Variants in HNF4G observed in about 807,000 individuals in gnomAD.
The protein encoded by HNF4G is hepatocyte nuclear factor 4 gamma, also known as hepatocyte nuclear factor 4-gamma.
HNF4G carries 21 observed loss-of-function variants against 50.9 expected under a neutral mutation model. That is an observed-to-expected ratio of 0.41 (90% CI 0.29 to 0.59). The LOEUF (loss-of-function observed/expected upper bound fraction) is 0.59, where lower values mean the gene tolerates loss of function less well. HNF4G is among the 20% of genes least tolerant of loss of function. HNF4G has a pLI of 0.26. For synonymous variants in HNF4G, 198 were observed against 185.6 expected (o/e 1.07, Z -0.54); for missense variants, 527 against 559.4 (o/e 0.94, Z 0.58).
chr8:75,442,371 T>A (rs1049139968), intron 1 of HNF4G, among the ~76,000 whole-genome samples: 1 of 152,082 alleles, frequency 6.6e-6, no homozygotes, highest in African/African-American at 2.4e-5. Flanking sequence ...ACTAAAATTA[T>A]AAATAGGCAA....
At chr8:75,429,203 A>G (rs1423838929) in intron 1 of HNF4G, among the ~76,000 whole-genome samples, 1 of 152,206 alleles carries the variant, frequency 6.6e-6, no homozygotes, top group Non-Finnish European at 1.5e-5. Context: ...TGGACACTCC[A>G]ACATGGTCAG....
intron 1 of HNF4G, among the ~76,000 whole-genome samples, chr8:75,482,452 C>T (rs896140299): frequency 6.6e-6 from 1 of 152,072 alleles, no homozygotes; most frequent in South Asian, 2.1e-4. Flanking sequence ...CTGCAACCTC[C>T]GCCTCCCAGG....
At position 75,449,550 on chromosome 8, in the gene HNF4G, A is replaced by C. The variant is rs1366022794; in HGVS notation, c.-143-40539A>C. Among the ~76,000 whole-genome samples the C allele has an allele frequency of 2.3e-5, 3 of 129,112 alleles. No individual in the cohort carries two copies. The Admixed American group carries it at 2.7e-4, about 11-fold the overall frequency. The allele number at this position is 129,112 out of a possible 152,430, so 84.7% of individuals were successfully genotyped here. ...GAGACGGAGTCTCACTCTGTCGCCC[A>C]GGCTGTAGTGCAGTGGGGCGATCTC... On this transcript the variant is annotated intron_variant, in intron 1 of 10. Transcript: ENST00000354370.
chr8:75,501,329 C>T lies in HNF4G; in HGVS notation c.-24+11121C>T, dbSNP rs533822052. Among the ~76,000 whole-genome samples, 32 of 152,080 alleles carry T rather than the reference C, an allele frequency of 2.1e-4. No individual in the cohort carries two copies. In the South Asian group the frequency reaches 6.7e-3, roughly 32 times the overall value. The stretch of plus-strand genomic sequence containing the variant: ...AGGCATGGTATGCACACCTGTAGTC[C>T]CACCTACTTGGGAGGCTGAGGCCAG... On this transcript the variant is annotated intron_variant, in intron 2 of 10. Coordinates refer to the HNF4G transcript ENST00000354370.
At chr8:75,464,455 C>G (rs1811921259) in intron 1 of HNF4G, among the ~76,000 whole-genome samples, 2 of 152,032 alleles carry the variant, frequency 1.3e-5, no homozygotes, top group African/African-American at 4.8e-5. Flanking sequence ...TTTTTACCCC[C>G]TCAAAGTTTT....
chr8:75,415,819 T>C (rs1445185203), intron 1 of HNF4G, among the ~76,000 whole-genome samples: 1 of 151,956 alleles, frequency 6.6e-6, no homozygotes, highest in Non-Finnish European at 1.5e-5. Context: ...TAATGGAGTG[T>C]GAGGAAAGAA....
intron 1 of HNF4G, among the ~76,000 whole-genome samples, chr8:75,409,525 G>A (rs1378628667): frequency 2.8e-5 from 3 of 107,200 alleles, no homozygotes; most frequent in African/African-American, 1.1e-4. Context: ...GTCTTGCTCT[G>A]TCACCCAGGC....
intron 1 of HNF4G, among the ~76,000 whole-genome samples, chr8:75,417,125 A>ATG (rs1563497916): frequency 1.5e-4 from 9 of 58,366 alleles, no homozygotes; most frequent in Non-Finnish European, 2.7e-4. Context: ...GTGTGCGCAC[A>ATG]CACACACACA....
chr8:75,499,867 G>A (rs1812877673), intron 2 of HNF4G, among the ~76,000 whole-genome samples: 1 of 151,868 alleles, frequency 6.6e-6, no homozygotes, highest in Non-Finnish European at 1.5e-5. Flanking sequence ...ATGCCTACGT[G>A]ACATAACATA....
intron 1 of HNF4G, among the ~76,000 whole-genome samples, chr8:75,416,624 T>C (rs1810642746): frequency 6.6e-6 from 1 of 152,226 alleles, no homozygotes; most frequent in South Asian, 2.1e-4. Context: ...CATTACTGTA[T>C]GTTATTTGTG....
At chr8:75,512,641 T>A (rs1447775716) in intron 2 of HNF4G, among the ~76,000 whole-genome samples, 1 of 151,880 alleles carries the variant, frequency 6.6e-6, no homozygotes, top group African/African-American at 2.4e-5. Context: ...ATTTTTTGTA[T>A]TTTTAGTAGA....
intron 6 of HNF4G, among the ~76,000 whole-genome samples, chr8:75,557,061 T>C (rs1244907730): frequency 1.3e-5 from 2 of 152,194 alleles, no homozygotes; most frequent in African/African-American, 4.8e-5. Context: ...GACTATGCCC[T>C]GAAATGCTAT....
intron 2 of HNF4G, among the ~76,000 whole-genome samples, chr8:75,510,183 TA>T (rs1034786918): frequency 1.3e-5 from 2 of 150,168 alleles, no homozygotes; most frequent in Admixed American, 1.3e-4. Context: ...GTTTAAAAAG[TA>T]AAAAAAAATA....
intron 1 of HNF4G, among the ~76,000 whole-genome samples, chr8:75,441,797 G>T (rs973107863): frequency 1.3e-5 from 2 of 152,120 alleles, no homozygotes; most frequent in African/African-American, 4.8e-5. Flanking sequence ...AACAATCAGC[G>T]AACTGGCTTG....
At chr8:75,492,326 T>C (rs1364547041) in intron 2 of HNF4G, among the ~76,000 whole-genome samples, 1 of 152,212 alleles carries the variant, frequency 6.6e-6, no homozygotes, top group Non-Finnish European at 1.5e-5. Flanking sequence ...GATAGAGTGC[T>C]CTCTGGTTTA....
chr8:75,422,482 A>G (rs966376512), intron 1 of HNF4G, among the ~76,000 whole-genome samples: 4 of 152,224 alleles, frequency 2.6e-5, no homozygotes, highest in Non-Finnish European at 5.9e-5. Flanking sequence ...CAAATTTCTA[A>G]GTGATGAGGA....
rs149898738 is a variant in HNF4G, at chr8:75,494,682, AT to A, written c.-24+4483del. ...GCCTTGAACATAATAAGTGGTCATT[AT>A]TTTTTTTTGAATGAATGAATGGTGG... On this transcript the variant is annotated intron_variant, in intron 2 of 10. Coordinates refer to the HNF4G transcript ENST00000354370. 1.4e-3 allele frequency among the ~76,000 whole-genome samples: 217 copies of A among 150,928 alleles called. 1 individual carries two copies. The highest frequency in any genetic ancestry group is 4.5e-3 in the African/African-American group (184 of 41,286).
intron 1 of HNF4G, among the ~76,000 whole-genome samples, chr8:75,419,040 T>G (rs1287632764): frequency 3.3e-5 from 5 of 152,316 alleles, no homozygotes; most frequent in Admixed American, 1.3e-4. Flanking sequence ...ATAAGTCTCT[T>G]GTTTTTTAAA....
At chr8:75,537,876 T>C (rs140710148), upstream of HNF4G, among the ~76,000 whole-genome samples, 28 of 152,264 alleles carry the variant, frequency 1.8e-4, no homozygotes, top group African/African-American at 6.7e-4. Context: ...AGTAAAGATA[T>C]ATCTTTTTAT....
Sources: allele counts gnomAD v4.1 joint callset (sites outside exome capture counted in the v4.1 genomes callset), GRCh38; gene constraint gnomAD v4.1.1; transcripts MANE v1.5; gene names NCBI Gene and HGNC (gene_info 2026-07-23, HGNC 2026-07-21).